TBCCD1: variants seen among roughly 807,000 people sequenced by gnomAD.
TBCCD1 encodes the protein TBCC domain containing 1.
Under a neutral mutation model 53.4 loss-of-function variants are expected in TBCCD1, and 26 were observed. That is an observed-to-expected ratio of 0.49 (90% confidence interval 0.36 to 0.68). TBCCD1 has a LOEUF of 0.68. Among genes scored for constraint, TBCCD1 ranks in the 30% least tolerant of loss-of-function variants. TBCCD1 has a pLI of 0.00. For synonymous variants in TBCCD1, 245 were observed against 241.7 expected (o/e 1.01, Z -0.13); for missense variants, 558 against 669.5 (o/e 0.83, Z 1.84).
intron 3 of TBCCD1, among the ~76,000 whole-genome samples, chr3:186,557,567 C>T (rs1714577389): frequency 6.6e-6 from 1 of 152,048 alleles, no homozygotes; most frequent in African/African-American, 2.4e-5. Flanking sequence ...TTGGGAGTCA[C>T]TGAGATATAT....
At chr3:186,563,694 A>C (rs1285700468) in intron 2 of TBCCD1, among the ~76,000 whole-genome samples, 1 of 152,234 alleles carries the variant, frequency 6.6e-6, no homozygotes, top group Non-Finnish European at 1.5e-5. Flanking sequence ...GAACTACTAA[A>C]ACTCAAATGA....
chr3:186,570,089 AG>A (rs1418480749), upstream of TBCCD1: 4 of 678,062 alleles, frequency 5.9e-6, no homozygotes, highest in Non-Finnish European at 1.1e-5. Flanking sequence ...GGAGGAGGGG[AG>A]GGGTGGGGGG....
chr3:186,550,403 T>C (rs1443059950), intron 7 of TBCCD1, among the ~76,000 whole-genome samples: 1 of 152,050 alleles, frequency 6.6e-6, no homozygotes, highest in East Asian at 1.9e-4. Context: ...CTGGCCAACA[T>C]GGTGAAACCC....
At position 186,564,405 on chromosome 3, in the gene TBCCD1, G is replaced by C. The variant is rs1358587910; in HGVS notation, c.-43-33C>G. 3 of 1,407,612 alleles carry C rather than the reference G, an allele frequency of 2.1e-6. No individual in the cohort carries two copies. The East Asian group carries it at 6.9e-5, about 32-fold the overall frequency. The allele number at this position is 1,407,612 out of a possible 1,614,324, so 87.2% of individuals were successfully genotyped here. On this transcript the variant is annotated intron_variant, in intron 1 of 7. Transcript: ENST00000338733. ...ACAAAGTTTCTTCATAAACTGATTT[G>C]AAACAAGTCTCATTTATGCATTTTT... is the stretch of plus-strand genomic sequence containing the variant.
At position 186,564,260 on chromosome 3, in the gene TBCCD1, G is replaced by T; in HGVS notation, c.70C>A (p.Pro24Thr). 6.2e-7 allele frequency: 1 copy of T among 1,614,156 alleles called. No individual in the cohort carries two copies. The highest frequency in any genetic ancestry group is 8.5e-7 in the Non-Finnish European group (1 of 1,180,040). ...PFIVGALQVP[P>T]PSKFSLHYLR... Reference sequence around the variant, plus strand: ...TAGTGAAGACTAAACTTGGATGGAGGGGGGACCTGCAAGGCACCCACTATA... The same window carrying T: ...TAGTGAAGACTAAACTTGGATGGAGTGGGGACCTGCAAGGCACCCACTATA... Residue 24 changes from proline (P) to threonine (T), a missense_variant, in exon 2 of 8, where the codon CCT becomes ACT. Physicochemically the swap from Pro to Thr is conservative, Grantham distance 38 (BLOSUM62 -1). Coordinates refer to ENST00000338733, the MANE Select transcript of TBCCD1 (RefSeq NM_018138.5).
At chr3:186,568,907 A>T (rs983148365), upstream of TBCCD1, among the ~76,000 whole-genome samples, 5 of 138,274 alleles carry the variant, frequency 3.6e-5, no homozygotes, top group Non-Finnish European at 7.6e-5. Flanking sequence ...TGTCTCAGGA[A>T]AAAAAAAGAA....
At chr3:186,562,050 A>G (rs1714705038) in intron 2 of TBCCD1, among the ~76,000 whole-genome samples, 2 of 152,178 alleles carry the variant, frequency 1.3e-5, no homozygotes. Context: ...CTTAAAAAAG[A>G]AAGAAATCAT....
intron 7 of TBCCD1, among the ~76,000 whole-genome samples, chr3:186,549,230 G>A (rs113276702): frequency 0.14 from 21,622 of 152,112 alleles, 1,856 homozygotes; most frequent in African/African-American, 0.23. Flanking sequence ...GACGGTTGCA[G>A]TGAGCCGAGA....
rs761979371 is a variant in TBCCD1, at chr3:186,564,263, G to A, written c.67C>T (p.Pro23Ser). ...TGAAGACTAAACTTGGATGGAGGGGGGACCTGCAAGGCACCCACTATAAAG... is the reference window on the plus strand; with the variant it reads ...TGAAGACTAAACTTGGATGGAGGGGAGACCTGCAAGGCACCCACTATAAAG... ...EPFIVGALQVPPPSKFSLHYL... is the reference protein window; with the variant it reads ...EPFIVGALQVSPPSKFSLHYL... The change falls in exon 2 of 8, where the codon CCC (proline) becomes TCC (serine). Residue 23 changes from proline (P) to serine (S), a missense_variant. Coordinates refer to ENST00000338733, the MANE Select transcript of TBCCD1 (RefSeq NM_018138.5). The A allele has an allele frequency of 3.1e-6, 5 of 1,614,144 alleles. No individual in the cohort carries two copies. The highest frequency in any genetic ancestry group is 3.3e-5 in the Admixed American group (2 of 60,028).
At chr3:186,550,317 G>T (rs536320948) in intron 7 of TBCCD1, among the ~76,000 whole-genome samples, 1 of 151,986 alleles carries the variant, frequency 6.6e-6, no homozygotes, top group Non-Finnish European at 1.5e-5. Flanking sequence ...GGGCGCAGTG[G>T]TTTATGCCTG....
At chr3:186,558,001 T>C (rs1714588626) in intron 3 of TBCCD1, among the ~76,000 whole-genome samples, 2 of 152,260 alleles carry the variant, frequency 1.3e-5, no homozygotes, top group African/African-American at 4.8e-5. Context: ...ATTTAGCTTC[T>C]GGGTTGTCAC....
At chr3:186,547,210 C>T (rs992767008) in intron 7 of TBCCD1, among the ~76,000 whole-genome samples, 27 of 151,368 alleles carry the variant, frequency 1.8e-4, no homozygotes, top group Middle Eastern at 6.9e-3. Context: ...ATTATTTACC[C>T]GCTTATAGTT....
Position 186,554,754 on chromosome 3 carries a change from G to GA in TBCCD1, c.1047-4dup, listed in dbSNP as rs747118513. ...TGCACTTCTCAATTGTCACAGATCT[G>GA]AAAAAAGGAAAAAATGAGGTAAAGT... On this transcript the variant is annotated splice_region_variant and splice_polypyrimidine_tract_variant and intron_variant, in intron 5 of 7. Coordinates refer to ENST00000338733, the MANE Select transcript of TBCCD1 (RefSeq NM_018138.5). 18 of 1,600,040 alleles carry GA rather than the reference G, an allele frequency of 1.1e-5. No homozygotes were observed. Among genetic ancestry groups the GA allele is most frequent in the South Asian group, 2.3e-5 (2 of 87,850 alleles).
chr3:186,551,316 C>T, intron 6 of TBCCD1, 37 bp from the exon 7 acceptor site: 1 of 1,574,164 alleles, frequency 6.4e-7, no homozygotes, highest in Non-Finnish European at 8.7e-7. Context: ...AATATAAGAA[C>T]ATGAATTCAT....
chr3:186,565,486 T>C (rs1327203384), intron 1 of TBCCD1, among the ~76,000 whole-genome samples: 2 of 152,234 alleles, frequency 1.3e-5, no homozygotes, highest in African/African-American at 4.8e-5. Context: ...TACACAATTC[T>C]GTACTGTTTC....
chr3:186,557,703 G>C (rs1449384807), intron 3 of TBCCD1, among the ~76,000 whole-genome samples: 5 of 152,162 alleles, frequency 3.3e-5, no homozygotes, highest in Non-Finnish European at 7.3e-5. Flanking sequence ...AGTGAGAAGA[G>C]AGAGTTAGAA....
At chr3:186,553,036 A>T (rs1714424331) in intron 6 of TBCCD1, among the ~76,000 whole-genome samples, 1 of 152,192 alleles carries the variant, frequency 6.6e-6, no homozygotes. Context: ...AAATGACATG[A>T]TGTAATCACT....
intron 6 of TBCCD1, chr3:186,553,373 C>T (rs1474083145): frequency 6.6e-6 from 1 of 152,110 alleles, no homozygotes; most frequent in Non-Finnish European, 1.5e-5. Flanking sequence ...CATGATCATC[C>T]ATTTTTACAA....
intron 2 of TBCCD1, 75 bp downstream of exon 2, chr3:186,563,918 CA>C: frequency 6.8e-7 from 1 of 1,466,472 alleles, no homozygotes; most frequent in South Asian, 1.4e-5. Context: ...TTGTAATAAG[CA>C]AAAACATTTT....
Sources: allele counts gnomAD v4.1 joint callset (sites outside exome capture counted in the v4.1 genomes callset), GRCh38; gene constraint gnomAD v4.1.1; transcripts MANE v1.5; gene names NCBI Gene and HGNC (gene_info 2026-07-23, HGNC 2026-07-21).